Variants in PGPEP1 observed in about 807,000 individuals in gnomAD.
PGPEP1 encodes pyroglutamyl-peptidase I, also known as pyroglutamyl-peptidase 1.
A neutral mutation model predicts 24.1 loss-of-function variants in PGPEP1; 15 were observed. The ratio of observed to expected loss-of-function variants is 0.62; its 90% CI spans 0.42 to 0.96. The LOEUF (loss-of-function observed/expected upper bound fraction) is 0.96. Among genes scored for constraint, PGPEP1 ranks in the 40% least tolerant of loss-of-function variants. The probability of loss-of-function intolerance (pLI) is 0.00; values close to 1 mark genes in which losing one functional copy is unlikely to be tolerated. For synonymous variants in PGPEP1, 122 were observed against 116.4 expected (o/e 1.05, Z -0.31); for missense variants, 242 against 273.4 (o/e 0.89, Z 0.81).
rs191570796 is a variant in PGPEP1, at chr19:18,344,950, T to G, written c.87+2039T>G. On this transcript the variant is annotated intron_variant, in intron 2 of 4. Coordinates refer to ENST00000269919, the MANE Select transcript of PGPEP1 (RefSeq NM_017712.4). Reference sequence around the variant, plus strand: ...TTTTATCTTGTGGCCAGAGAGGAAATAGCCCTTCTCCTTGGTTCTCCTCTC... The same window carrying G: ...TTTTATCTTGTGGCCAGAGAGGAAAGAGCCCTTCTCCTTGGTTCTCCTCTC... Among the ~76,000 whole-genome samples, 366 of 152,192 alleles carry G rather than the reference T, an allele frequency of 2.4e-3. 5 individuals carry two copies. Among genetic ancestry groups the G allele is most frequent in the Non-Finnish European group, 3.2e-3 (220 of 67,994 alleles).
In PGPEP1 at chr19:18,344,590, C is replaced by CTTT. The variant is rs35966838; in HGVS notation, c.87+1689_87+1691dup. Among the ~76,000 whole-genome samples the CTTT allele has an allele frequency of 8.4e-4, 118 of 141,162 alleles. 1 individual carries two copies. The highest frequency in any genetic ancestry group is 3.6e-3 in the Middle Eastern group (1 of 276). 92.6% of individuals were successfully genotyped at this position (141,162 alleles called of 152,430 possible). On this transcript the variant is annotated intron_variant, in intron 2 of 4. Coordinates refer to ENST00000269919, the MANE Select transcript of PGPEP1 (RefSeq NM_017712.4). ...AGACCTCAAAGTTTTGGCTGTTTCC[C>CTTT]TTTTTTTTTTTTCTTTCCTGCCCAC...
intron 2 of PGPEP1, among the ~76,000 whole-genome samples, chr19:18,348,650 T>C (rs1970930901): frequency 6.6e-6 from 1 of 152,084 alleles, no homozygotes; most frequent in East Asian, 1.9e-4. Flanking sequence ...TAGTGCCAGA[T>C]ACACTGTATG....
intron 4 of PGPEP1, among the ~76,000 whole-genome samples, chr19:18,362,590 G>A (rs185733836): frequency 6.7e-6 from 1 of 148,946 alleles, no homozygotes; most frequent in East Asian, 2.0e-4. Context: ...GCCAGACGTG[G>A]TGTGGCCCAC....
intron 2 of PGPEP1, among the ~76,000 whole-genome samples, chr19:18,345,437 A>C (rs1385183543): frequency 2.0e-5 from 3 of 152,026 alleles, no homozygotes; most frequent in Non-Finnish European, 2.9e-5. Context: ...ATACACCCAG[A>C]ACACTCATTA....
rs775309565 is a variant in PGPEP1 at position 18,346,633 on chromosome 19, C to CTTTTTT, written c.87+3741_87+3746dup. On this transcript the variant is annotated intron_variant, in intron 2 of 4. Transcript: ENST00000269919. ...TCTATCTGTGTGTGTCTGTTTCTCTCTTTTTTTTTTTTTTTTTTTTTTTTG... is the reference window on the plus strand; with the variant it reads ...TCTATCTGTGTGTGTCTGTTTCTCTCTTTTTTTTTTTTTTTTTTTTTTTTTTTTTTG... Among the ~76,000 whole-genome samples, 71 of 79,534 alleles carry CTTTTTT rather than the reference C, an allele frequency of 8.9e-4. 1 individual carries two copies. The highest frequency in any genetic ancestry group is 0.016 in the Middle Eastern group (1 of 62). The allele number at this position is 79,534 out of a possible 152,430, so 52.2% of individuals were successfully genotyped here.
chr19:18,342,915 A>G lies in PGPEP1; in HGVS notation c.87+4A>G. The G allele has an allele frequency of 6.2e-7, 1 of 1,611,544 alleles. No homozygotes were observed. Among genetic ancestry groups the G allele is most frequent in the Non-Finnish European group, 8.5e-7 (1 of 1,177,658 alleles). The stretch of plus-strand genomic sequence containing the variant: ...CGCCAGTTGGATTGCAGTTCAGGTA[A>G]CTTAGATCCGGAGGGTGGGAGTCAG... On this transcript the variant is annotated splice_donor_region_variant and intron_variant, in intron 2 of 4. Coordinates refer to ENST00000269919, the MANE Select transcript of PGPEP1 (RefSeq NM_017712.4).
At chr19:18,347,490 CT>C (rs1970885703) in intron 2 of PGPEP1, among the ~76,000 whole-genome samples, 1 of 151,526 alleles carries the variant, frequency 6.6e-6, no homozygotes, top group Admixed American at 6.6e-5. Flanking sequence ...TCCTCTCTAT[CT>C]TTGTTAATCT....
intron 3 of PGPEP1, among the ~76,000 whole-genome samples, chr19:18,356,529 T>C (rs755588213): frequency 6.6e-6 from 1 of 151,598 alleles, no homozygotes; most frequent in Non-Finnish European, 1.5e-5. Context: ...GGAGGATTGC[T>C]TGAGTCTAGG....
intron 2 of PGPEP1, among the ~76,000 whole-genome samples, chr19:18,355,044 T>C (rs1216444327): frequency 6.1e-5 from 9 of 146,608 alleles, no homozygotes. Context: ...TCTTGGCTCA[T>C]TGAAAGCTCT....
intron 3 of PGPEP1, 146 bp downstream of exon 3, chr19:18,356,157 G>T: frequency 3.2e-6 from 2 of 622,834 alleles, no homozygotes; most frequent in South Asian, 3.4e-5. Context: ...TTCAGGCCGG[G>T]CATGGTGGCT....
chr19:18,362,264 G>A (rs1412056649), intron 4 of PGPEP1, among the ~76,000 whole-genome samples: 1 of 151,628 alleles, frequency 6.6e-6, no homozygotes, highest in East Asian at 1.9e-4. Context: ...AAAATTAGCC[G>A]GATGTGCTGG....
In PGPEP1 at chr19:18,369,477, G is replaced by A. The variant is rs1971645876; in HGVS notation, c.*5894G>A. Reference sequence around the variant, plus strand: ...TTCAGAGGTGGGGTCTGGGGCCTGGGGGTTTTGTGTCGTGACACTTTGTCT... The same window carrying A: ...TTCAGAGGTGGGGTCTGGGGCCTGGAGGTTTTGTGTCGTGACACTTTGTCT... On this transcript the variant is annotated 3_prime_UTR_variant, in exon 5 of 5. Transcript: ENST00000269919. 6.6e-6 allele frequency: 1 copy of A among 152,454 alleles called. No individual in the cohort carries two copies. Among genetic ancestry groups the A allele is most frequent in the Non-Finnish European group, 1.5e-5 (1 of 68,248 alleles). 9.4% of individuals were successfully genotyped at this position (152,454 alleles called of 1,614,324 possible). A position where few individuals can be genotyped will look rare whatever the true frequency, so the allele number is the denominator to read the frequency against.
intron 2 of PGPEP1, 125 bp from the exon 3 acceptor site, chr19:18,355,770 A>G (rs1237445713): frequency 4.5e-6 from 3 of 663,436 alleles, no homozygotes; most frequent in East Asian, 2.8e-5. Flanking sequence ...AACTAAATCA[A>G]CACACACCCT....
chr19:18,347,270 C>CTTTTTTTTTTTTTTTTTTTTTTTTTTTTT (rs59936417), intron 2 of PGPEP1, among the ~76,000 whole-genome samples: 2 of 94,420 alleles, frequency 2.1e-5, no homozygotes, highest in East Asian at 2.9e-4. Flanking sequence ...TTCTTTCTTT[C>CTTTTTTTTTTTTTTTTTTTTTTTTTTTTT]TTTTTTTTTT....
At chr19:18,354,614 C>A (rs1217439099) in intron 2 of PGPEP1, among the ~76,000 whole-genome samples, 1 of 152,008 alleles carries the variant, frequency 6.6e-6, no homozygotes, top group Non-Finnish European at 1.5e-5. Context: ...ACCGCCTGGG[C>A]TTAGGTAATC....
At chr19:18,344,527 A>C (rs2144528869) in intron 2 of PGPEP1, among the ~76,000 whole-genome samples, 1 of 140,844 alleles carries the variant, frequency 7.1e-6, no homozygotes, top group African/African-American at 2.7e-5. Context: ...CCCCAGCTGT[A>C]CCCCCCATTT....
intron 2 of PGPEP1, among the ~76,000 whole-genome samples, chr19:18,353,399 C>T (rs188927884): frequency 4.1e-4 from 63 of 151,948 alleles, no homozygotes; most frequent in African/African-American, 1.3e-3. Context: ...TTTGTATTTT[C>T]GAGTTTTGCC....
intron 2 of PGPEP1, among the ~76,000 whole-genome samples, chr19:18,346,832 G>T (rs1970861860): frequency 6.6e-6 from 1 of 151,196 alleles, no homozygotes; most frequent in South Asian, 2.1e-4. Context: ...TAGAGACAGG[G>T]TTTCTCCATG....
rs752229474 is a variant in PGPEP1 at position 18,357,425 on chromosome 19, A to G, written c.247A>G (p.Thr83Ala). 2 of 1,614,014 alleles carry G rather than the reference A, an allele frequency of 1.2e-6. No homozygotes were observed. The highest frequency in any genetic ancestry group is 2.2e-5 in the South Asian group (2 of 91,070). ...GGTGTCAGGCATGGCGACCACAGTC[A>G]CACTGGAGAAATGTGGACACAACAA... is the stretch of plus-strand genomic sequence containing the variant. ...VGVSGMATTV[T>A]LEKCGHNKGY... The change falls in exon 4 of 5, where the codon ACA (threonine) becomes GCA (alanine). Residue 83 changes from threonine (T) to alanine (A), a missense_variant. Coordinates refer to ENST00000269919, the MANE Select transcript of PGPEP1 (RefSeq NM_017712.4).
Sources: gnomAD v4.1 joint callset for allele counts (sites outside exome capture counted in the v4.1 genomes callset) on GRCh38, gnomAD v4.1.1 for gene constraint, MANE v1.5 for transcripts, NCBI Gene and HGNC (gene_info 2026-07-23, HGNC 2026-07-21) for gene names.